SLC9A4: variants seen among roughly 807,000 people sequenced by gnomAD.
SLC9A4 encodes solute carrier family 9 member A4.
SLC9A4 carries 63 observed loss-of-function variants against 67.4 expected under a neutral mutation model. The ratio of observed to expected loss-of-function variants is 0.93; its 90% CI spans 0.76 to 1.15. SLC9A4 has a LOEUF of 1.15. Ranked by LOEUF, SLC9A4 falls within the 50% of genes most tolerant of loss-of-function variation. The probability of loss-of-function intolerance (pLI) is 0.00; values close to 1 mark genes in which losing one functional copy is unlikely to be tolerated. For missense variants in SLC9A4, 1,089 were observed against 987.7 expected (o/e 1.10, Z -1.38); for synonymous variants, 393 against 367.2 (o/e 1.07, Z -0.80).
intron 7 of SLC9A4, among the ~76,000 whole-genome samples, chr2:102,513,018 C>T (rs1215778809): frequency 6.6e-6 from 1 of 152,082 alleles, no homozygotes; most frequent in Non-Finnish European, 1.5e-5. Flanking sequence ...CACAAAGCAT[C>T]CAGTATGGGA....
intron 9 of SLC9A4, among the ~76,000 whole-genome samples, chr2:102,521,401 G>A (rs531372062): frequency 3.3e-5 from 5 of 152,180 alleles, no homozygotes; most frequent in Non-Finnish European, 7.4e-5. Context: ...CATTGCCCTC[G>A]AATTAAAGCA....
At chr2:102,524,556 T>TTGTGTG (rs147920382) in intron 9 of SLC9A4, among the ~76,000 whole-genome samples, 4,653 of 145,454 alleles carry the variant, frequency 0.032, 101 homozygotes, top group African/African-American at 0.053. Context: ...GTGATAGGAA[T>TTGTGTG]TGTGTGTGTG....
Position 102,503,460 on chromosome 2 carries a change from A to C in SLC9A4, c.733A>C (p.Met245Leu). Residue 245 changes from methionine to leucine, a missense_variant, in exon 3 of 12, where the codon ATG becomes CTG. By Grantham distance (15) the Met-to-Leu change is conservative (BLOSUM62 2). Transcript: ENST00000295269. ...CTTTTTTGCCTAGGTCTTATACAAT[A>C]TGTTAATTGCCTTTACAAAGATGCA... ...NDGITVVLYN[M>L]LIAFTKMHKF... is the part of the protein sequence containing the mutation. 6.2e-7 allele frequency: 1 copy of C among 1,609,586 alleles called. No homozygotes were observed. The highest frequency in any genetic ancestry group is 8.5e-7 in the Non-Finnish European group (1 of 1,176,740).
Position 102,508,238 on chromosome 2 carries a change from T to C in SLC9A4, c.1358T>C (p.Val453Ala). 6.2e-7 allele frequency: 1 copy of C among 1,614,178 alleles called. No homozygotes were observed. Among genetic ancestry groups the C allele is most frequent in the Non-Finnish European group, 8.5e-7 (1 of 1,180,022 alleles). The change falls in exon 5 of 12, where the codon GTC becomes GCC. Residue 453 changes from valine to alanine, a missense_variant. By Grantham distance (64) the Val-to-Ala change is moderately conservative. Coordinates refer to ENST00000295269, the MANE Select transcript of SLC9A4 (RefSeq NM_001011552.4). ...LSLFPRKKMF[V>A]TATLVVIYFT... is the part of the protein sequence containing the mutation. ...CTTTTTCCTAGGAAGAAAATGTTTGTCACTGCTACTCTAGTAGTTATATAC... is the reference window on the plus strand; with the variant it reads ...CTTTTTCCTAGGAAGAAAATGTTTGCCACTGCTACTCTAGTAGTTATATAC...
chr2:102,485,392 A>G (rs997327065), intron 2 of SLC9A4, among the ~76,000 whole-genome samples: 16 of 152,194 alleles, frequency 1.1e-4, no homozygotes, highest in African/African-American at 3.9e-4. Flanking sequence ...TTGACCTTTC[A>G]TGCAGTTTGC....
intron 1 of SLC9A4, among the ~76,000 whole-genome samples, chr2:102,474,373 A>T (rs1385351429): frequency 6.6e-6 from 1 of 152,226 alleles, no homozygotes; most frequent in Non-Finnish European, 1.5e-5. Flanking sequence ...TGGAAATTTC[A>T]GGAAACACAT....
At chr2:102,478,642 T>A (rs1684383105) in intron 1 of SLC9A4, among the ~76,000 whole-genome samples, 197 bp from the exon 2 acceptor site, 1 of 152,168 alleles carries the variant, frequency 6.6e-6, no homozygotes, top group African/African-American at 2.4e-5. Flanking sequence ...TTCTGTGACC[T>A]GCGCCGAGCT....
intron 9 of SLC9A4, among the ~76,000 whole-genome samples, chr2:102,522,511 G>A (rs994518237): frequency 1.3e-5 from 2 of 152,048 alleles, no homozygotes; most frequent in African/African-American, 2.4e-5. Context: ...GGTTATGGGA[G>A]GTGAAATGGA....
chr2:102,508,815 C>A (rs774369890), intron 5 of SLC9A4, 32 bp from the exon 6 acceptor site: 2 of 1,570,474 alleles, frequency 1.3e-6, no homozygotes, highest in Middle Eastern at 1.7e-4. Flanking sequence ...TTCATTACAA[C>A]AAAACCCTTT....
At chr2:102,506,041 G>C (rs1685043886) in intron 4 of SLC9A4, among the ~76,000 whole-genome samples, 1 of 152,204 alleles carries the variant, frequency 6.6e-6, no homozygotes, top group Non-Finnish European at 1.5e-5. Context: ...ATGAATGTGT[G>C]ATGTATAGCA....
At chr2:102,512,318 T>A in intron 7 of SLC9A4, 45 bp downstream of exon 7, 1 of 1,591,554 alleles carries the variant, frequency 6.3e-7, no homozygotes, top group Middle Eastern at 1.7e-4. Flanking sequence ...TTCTAAAGGT[T>A]CCATTGGAAG....
intron 9 of SLC9A4, among the ~76,000 whole-genome samples, chr2:102,521,772 C>G (rs1685425552): frequency 6.6e-6 from 1 of 152,176 alleles, no homozygotes; most frequent in African/African-American, 2.4e-5. Context: ...ACTCTCTAGC[C>G]TGGGTGATAG....
chr2:102,516,774 T>C (rs948143358), intron 8 of SLC9A4, among the ~76,000 whole-genome samples: 6 of 152,190 alleles, frequency 3.9e-5, no homozygotes, highest in African/African-American at 1.4e-4. Context: ...ATCTCACCAG[T>C]GAGTGGTAAG....
intron 2 of SLC9A4, among the ~76,000 whole-genome samples, chr2:102,493,172 T>C (rs2088201835): frequency 6.6e-6 from 1 of 152,212 alleles, no homozygotes; most frequent in African/African-American, 2.4e-5. Context: ...TCTTGGAAGT[T>C]CCAATCTTTC....
chr2:102,506,638 A>C (rs1685055619), intron 4 of SLC9A4, among the ~76,000 whole-genome samples: 1 of 152,182 alleles, frequency 6.6e-6, no homozygotes, highest in Non-Finnish European at 1.5e-5. Context: ...CAACCACAGA[A>C]TGATGGATTT....
At position 102,513,486 on chromosome 2, in the gene SLC9A4, G is replaced by A. The variant is rs116307632; in HGVS notation, c.1560-604G>A. On this transcript the variant is annotated intron_variant, in intron 7 of 11. Coordinates refer to ENST00000295269, the MANE Select transcript of SLC9A4 (RefSeq NM_001011552.4). ...GCTCAGTCGAATGGGCTGGCCAGAG[G>A]TTCCTTACAATAGTCAGCGGCCATC... 5.1e-3 allele frequency among the ~76,000 whole-genome samples: 778 copies of A among 152,338 alleles called. 10 individuals carry two copies. The highest frequency in any genetic ancestry group is 0.018 in the African/African-American group (757 of 41,574).
chr2:102,477,518 G>A (rs1684359631), intron 1 of SLC9A4, among the ~76,000 whole-genome samples: 1 of 152,202 alleles, frequency 6.6e-6, no homozygotes, highest in Non-Finnish European at 1.5e-5. Flanking sequence ...TTCTGCCTGA[G>A]TCTGGGGAGT....
chr2:102,511,303 A>G (rs1685158742), intron 6 of SLC9A4, among the ~76,000 whole-genome samples: 1 of 152,176 alleles, frequency 6.6e-6, no homozygotes, highest in Non-Finnish European at 1.5e-5. Context: ...ATAAGTAGTG[A>G]CTGTTTTAAA....
intron 8 of SLC9A4, among the ~76,000 whole-genome samples, chr2:102,517,246 C>T (rs766234236): frequency 5.3e-5 from 8 of 152,104 alleles, no homozygotes; most frequent in Non-Finnish European, 5.9e-5. Context: ...CTGTGTGCAC[C>T]GCAGGCAAGT....
Sources: allele counts gnomAD v4.1 joint callset (sites outside exome capture counted in the v4.1 genomes callset), GRCh38; gene constraint gnomAD v4.1.1; transcripts MANE v1.5; gene names NCBI Gene and HGNC (gene_info 2026-07-23, HGNC 2026-07-21).